Variants in HEATR1 observed in about 807,000 individuals in gnomAD.
HEATR1 encodes HEAT repeat containing 1.
Under a neutral mutation model 248.2 loss-of-function variants are expected in HEATR1, and 77 were observed. The ratio of observed to expected loss-of-function variants is 0.31; its 90% confidence interval spans 0.26 to 0.37. The LOEUF (loss-of-function observed/expected upper bound fraction) is 0.37. Ranked by LOEUF, HEATR1 falls within the 10% of genes least tolerant of loss-of-function variation. HEATR1 has a pLI of 1.00. For synonymous variants in HEATR1, 897 were observed against 923.1 expected, an observed-to-expected ratio of 0.97 and a Z score of 0.51; for missense variants, 2,420 against 2,504.9, an observed-to-expected ratio of 0.97 and a Z score of 0.72.
intron 5 of HEATR1, 90 bp downstream of exon 5, chr1:236,597,788 T>G: frequency 1.3e-6 from 1 of 783,310 alleles, no homozygotes; most frequent in Non-Finnish European, 2.1e-6. Context: ...CAAAGTATCA[T>G]TGTTATTAGG....
intron 29 of HEATR1, among the ~76,000 whole-genome samples, chr1:236,567,420 A>T (rs1663302223): frequency 6.6e-6 from 1 of 152,234 alleles, no homozygotes; most frequent in South Asian, 2.1e-4. Flanking sequence ...TGTATGAAAC[A>T]GGATACATGG....
chr1:236,573,126 T>C (rs573294426), intron 24 of HEATR1, among the ~76,000 whole-genome samples: 1 of 152,326 alleles, frequency 6.6e-6, no homozygotes, highest in South Asian at 2.1e-4. Flanking sequence ...TTGCTTTCTA[T>C]ACAATTTGTC....
At chr1:236,570,859 T>C (rs945105167) in intron 28 of HEATR1, among the ~76,000 whole-genome samples, 4 of 152,190 alleles carry the variant, frequency 2.6e-5, no homozygotes, top group Admixed American at 2.6e-4. Context: ...ATCCTCAATA[T>C]GAAAATAGCT....
Position 236,604,079 on chromosome 1 carries a change from T to C in HEATR1, c.17A>G (p.Gln6Arg), listed in dbSNP as rs759587486. Reference protein sequence around the residue: MTSLAQQLQRLALPQS... With the variant: MTSLARQLQRLALPQS... ...AGGGAGGGCGAGTCGTTGCAGCTGC[T>C]GGGCTAAGGACGTCATCTTTCACGC... is the stretch of plus-strand genomic sequence containing the variant. Residue 6 changes from glutamine to arginine, a missense_variant, in exon 2 of 45, where the codon CAG becomes CGG. By Grantham distance (43) the Gln-to-Arg change is conservative. Transcript: ENST00000366582. 2 of 1,573,134 alleles carry C rather than the reference T, an allele frequency of 1.3e-6. No individual in the cohort carries two copies. The highest frequency in any genetic ancestry group is 2.1e-5 in the Admixed American group (1 of 47,198).
At position 236,576,881 on chromosome 1, in the gene HEATR1, G is replaced by A. The variant is rs1663576180; in HGVS notation, c.2824C>T (p.Leu942Phe). The A allele has an allele frequency of 6.2e-7, 1 of 1,613,838 alleles. No homozygotes were observed. Among genetic ancestry groups the A allele is most frequent in the Non-Finnish European group, 8.5e-7 (1 of 1,179,900 alleles). The part of the protein sequence containing the change: ...KEVRRAAIQC[L>F]QALSGVASPF... ...GATGCCACTCCACTGAGGGCCTGGA[G>A]ACACTGAATGGCAGCCCTACGAACT... The change falls in exon 21 of 45, where the codon CTC becomes TTC. Residue 942 changes from leucine (L) to phenylalanine (F), a missense_variant. Physicochemically the swap from Leu to Phe is conservative, Grantham distance 22. Coordinates refer to ENST00000366582, the MANE Select transcript of HEATR1 (RefSeq NM_018072.6).
At chr1:236,592,735 T>C (rs1664074008) in intron 9 of HEATR1, 102 bp from the exon 10 acceptor site, 1 of 565,734 alleles carries the variant, frequency 1.8e-6, no homozygotes, top group East Asian at 3.0e-5. Context: ...CTAATTGTCA[T>C]ACTTATACAA....
intron 30 of HEATR1, 62 bp downstream of exon 30, chr1:236,566,584 A>T: frequency 8.3e-7 from 1 of 1,204,994 alleles, no homozygotes; most frequent in Non-Finnish European, 1.2e-6. Context: ...TAAACTGGAC[A>T]ATATCATAAA....
rs1314521254 is a variant in HEATR1, at chr1:236,581,492, A to T, written c.2563-78T>A. The T allele has an allele frequency of 1.5e-5, 15 of 1,009,922 alleles. No individual in the cohort carries two copies. In the East Asian group the frequency reaches 3.9e-4, roughly 26 times the overall value. 62.6% of individuals were successfully genotyped at this position (1,009,922 alleles called of 1,614,324 possible). A position where few individuals can be genotyped will look rare whatever the true frequency, so the allele number is the denominator to read the frequency against. ...TTCCAAATCCTCTTCTCACTAGTGT[A>T]CAATTATAAAGAAACAAATAATTTA... On this transcript the variant is annotated intron_variant, in intron 19 of 44. Transcript: ENST00000366582.
intron 26 of HEATR1, 128 bp from the exon 27 acceptor site, chr1:236,571,814 T>C: frequency 7.4e-6 from 5 of 673,880 alleles, no homozygotes; most frequent in Non-Finnish European, 1.3e-5. Context: ...TAAAATACTA[T>C]CATTAAACAT....
Position 236,596,162 on chromosome 1 carries a change from A to G in HEATR1, c.745-118T>C, listed in dbSNP as rs140745428. Reference sequence around the variant, plus strand: ...ATTAATACAACCTAATGCATAGTCAATCACTCTTCAGACATAAACAATAAA... The same window carrying G: ...ATTAATACAACCTAATGCATAGTCAGTCACTCTTCAGACATAAACAATAAA... On this transcript the variant is annotated intron_variant, in intron 6 of 44. Coordinates refer to ENST00000366582, the MANE Select transcript of HEATR1 (RefSeq NM_018072.6). 2.7e-4 allele frequency: 195 copies of G among 721,232 alleles called. 2 individuals carry two copies. Among genetic ancestry groups the G allele is most frequent in the Middle Eastern group, 2.0e-3 (5 of 2,482 alleles). The allele number at this position is 721,232 out of a possible 1,614,324, so 44.7% of individuals were successfully genotyped here.
chr1:236,565,085 T>C (rs777143545), intron 31 of HEATR1, among the ~76,000 whole-genome samples: 2 of 151,608 alleles, frequency 1.3e-5, no homozygotes, highest in East Asian at 1.9e-4. Context: ...TCACCACATA[T>C]ACCACATACA....
chr1:236,578,724 C>A (rs75698907), intron 20 of HEATR1, among the ~76,000 whole-genome samples: 4,628 of 152,232 alleles, frequency 0.03, 252 homozygotes, highest in African/African-American at 0.1. Context: ...TTCAAAGCAA[C>A]ATGACCTATA....
At position 236,603,623 on chromosome 1, in the gene HEATR1, C is replaced by A. The variant is rs946622432; in HGVS notation, c.143-247G>T. Among the ~76,000 whole-genome samples the A allele has an allele frequency of 2.0e-4, 28 of 141,952 alleles. No homozygotes were observed. In the East Asian group the frequency reaches 5.6e-3, roughly 28 times the overall value. The allele number at this position is 141,952 out of a possible 152,430, so 93.1% of individuals were successfully genotyped here. ...TTTTTTTTTTTTTGGATATCCCCTA[C>A]AATAACTAGGCCAGTCCTCTGAGAG... On this transcript the variant is annotated intron_variant, in intron 2 of 44. Coordinates refer to ENST00000366582, the MANE Select transcript of HEATR1 (RefSeq NM_018072.6).
intron 20 of HEATR1, among the ~76,000 whole-genome samples, chr1:236,578,434 G>A (rs547994768): frequency 2.6e-5 from 4 of 152,200 alleles, no homozygotes; most frequent in Non-Finnish European, 4.4e-5. Context: ...TCCCAATTAT[G>A]AAGTGAAAAC....
intron 9 of HEATR1, among the ~76,000 whole-genome samples, chr1:236,593,058 G>A (rs1458033823): frequency 6.6e-6 from 1 of 152,190 alleles, no homozygotes; most frequent in Non-Finnish European, 1.5e-5. Context: ...GCTGGGCATG[G>A]TGGCACATGC....
intron 20 of HEATR1, among the ~76,000 whole-genome samples, chr1:236,580,212 AAACTT>A (rs1663675589): frequency 6.6e-6 from 1 of 152,234 alleles, no homozygotes; most frequent in Non-Finnish European, 1.5e-5. Flanking sequence ...CATTATAAAA[AAACTT>A]AACTTTCAGT....
At chr1:236,580,553 G>A (rs1431873962) in intron 20 of HEATR1, among the ~76,000 whole-genome samples, 1 of 112,990 alleles carries the variant, frequency 8.9e-6, no homozygotes, top group East Asian at 2.6e-4. Context: ...GTCTTGCTCT[G>A]TTGCCCAGTT....
chr1:236,592,575 CT>C lies in HEATR1; in HGVS notation c.1251del (p.Val418CysfsTer15). ...YSSQEEMDSN[K>X]VSLLNEQFLP... ...AGAAATTGTTCATTAAGCAAAGACA[CT>C]TTATTAGAATCCATTTCTTCCTGTG... On this transcript the variant is annotated frameshift_variant, in exon 10 of 45. Transcript: ENST00000366582. LOFTEE classifies it high-confidence loss of function. 2.0e-6 allele frequency: 3 copies of C among 1,527,870 alleles called. No homozygotes were observed. The highest frequency in any genetic ancestry group is 1.7e-5 in the Admixed American group (1 of 59,204). The allele number at this position is 1,527,870 out of a possible 1,614,324, so 94.6% of individuals were successfully genotyped here. A position where few individuals can be genotyped will look rare whatever the true frequency, so the allele number is the denominator to read the frequency against.
At position 236,559,703 on chromosome 1, in the gene HEATR1, T is replaced by C. The variant is rs2103126641; in HGVS notation, c.4770+11A>G. On this transcript the variant is annotated intron_variant, in intron 34 of 44. Transcript: ENST00000366582. ...ACAAAACAGTAATTCCAGGGAGAAA[T>C]GAACACCTACCTTATCTAACAGGTC... The C allele has an allele frequency of 3.8e-6, 6 of 1,590,564 alleles. No homozygotes were observed. The highest frequency in any genetic ancestry group is 5.1e-6 in the Non-Finnish European group (6 of 1,166,300).
Sources: allele counts gnomAD v4.1 joint callset (sites outside exome capture counted in the v4.1 genomes callset), GRCh38; gene constraint gnomAD v4.1.1; transcripts MANE v1.5; gene names NCBI Gene and HGNC (gene_info 2026-07-23, HGNC 2026-07-21).